HCN1: variants seen among roughly 807,000 people sequenced by gnomAD.
HCN1 encodes the protein hyperpolarization activated cyclic nucleotide gated potassium channel 1.
Under a neutral mutation model 78.9 loss-of-function variants are expected in HCN1, and 13 were observed. That is an observed-to-expected ratio of 0.16 (90% confidence interval 0.11 to 0.26). HCN1 has a LOEUF of 0.26. Among genes scored for constraint, HCN1 ranks in the 10% least tolerant of loss-of-function variants. The pLI is 1.00. For missense variants in HCN1, 810 were observed against 1,154.3 expected (o/e 0.70, Z 4.32); for synonymous variants, 552 against 455.5 (o/e 1.21, Z -2.70).
At chr5:45,646,536 TA>T (rs914711614) in intron 1 of HCN1, among the ~76,000 whole-genome samples, 128 of 150,730 alleles carry the variant, frequency 8.5e-4, no homozygotes, top group African/African-American at 2.7e-3. Context: ...CATGCCCAGC[TA>T]AAAAAAAATC....
At chr5:45,690,231 T>C (rs1228644765) in intron 1 of HCN1, among the ~76,000 whole-genome samples, 2 of 152,120 alleles carry the variant, frequency 1.3e-5, no homozygotes, top group Non-Finnish European at 2.9e-5. Flanking sequence ...ATTAGGTTTA[T>C]ATAAATAAAA....
chr5:45,302,354 T>C (rs940601460), intron 6 of HCN1, among the ~76,000 whole-genome samples: 1 of 152,098 alleles, frequency 6.6e-6, no homozygotes, highest in Non-Finnish European at 1.5e-5. Context: ...GCTGTGATTG[T>C]AAGTTTCCTG....
chr5:45,314,521 T>A (rs1466377009), intron 5 of HCN1, among the ~76,000 whole-genome samples: 1 of 152,108 alleles, frequency 6.6e-6, no homozygotes. Flanking sequence ...AATATTAACC[T>A]TAAATGTAAA....
intron 5 of HCN1, among the ~76,000 whole-genome samples, chr5:45,331,036 T>C (rs2111951937): frequency 6.6e-6 from 1 of 151,360 alleles, no homozygotes; most frequent in East Asian, 1.9e-4. Context: ...GTTTAAGATA[T>C]ATGTCAAATA....
intron 2 of HCN1, among the ~76,000 whole-genome samples, chr5:45,515,127 C>T (rs936049923): frequency 4.0e-5 from 6 of 151,436 alleles, no homozygotes; most frequent in East Asian, 1.9e-4. Flanking sequence ...TTTAACATAT[C>T]GAGGACAGAA....
intron 2 of HCN1, among the ~76,000 whole-genome samples, chr5:45,604,838 G>C (rs1285864616): frequency 1.3e-5 from 2 of 151,926 alleles, no homozygotes; most frequent in Non-Finnish European, 2.9e-5. Context: ...GAGGAATATG[G>C]CTTTATAGTT....
At chr5:45,288,663 C>A (rs984570262) in intron 6 of HCN1, among the ~76,000 whole-genome samples, 7 of 151,844 alleles carry the variant, frequency 4.6e-5, no homozygotes, top group African/African-American at 1.7e-4. Flanking sequence ...AATTAATTTG[C>A]AATATTATAG....
intron 2 of HCN1, among the ~76,000 whole-genome samples, chr5:45,554,946 C>G (rs576735525): frequency 4.0e-5 from 6 of 151,808 alleles, no homozygotes; most frequent in African/African-American, 1.4e-4. Context: ...TAAGAGATTT[C>G]CTTTTAATGA....
intron 4 of HCN1, among the ~76,000 whole-genome samples, chr5:45,373,265 A>G (rs1421149569): frequency 1.7e-3 from 206 of 119,350 alleles, no homozygotes; most frequent in South Asian, 9.4e-3. Flanking sequence ...TATATTATAT[A>G]TTATATATAT....
intron 5 of HCN1, 74 bp from the exon 6 acceptor site, chr5:45,303,913 A>C: frequency 1.5e-6 from 2 of 1,292,234 alleles, no homozygotes; most frequent in Non-Finnish European, 2.2e-6. Context: ...GCTGAAATTT[A>C]AAATATATAC....
rs976893690 is a variant in HCN1, at chr5:45,630,127, C to T, written c.849+15058G>A. On this transcript the variant is annotated intron_variant, in intron 2 of 7. Transcript: ENST00000303230. ...GGAGATCATATGGTAGCACCATCATCGGCCCCCTAATGCTTCCACTCTTGT... is the reference window on the plus strand; with the variant it reads ...GGAGATCATATGGTAGCACCATCATTGGCCCCCTAATGCTTCCACTCTTGT... 2.5e-4 allele frequency among the ~76,000 whole-genome samples: 38 copies of T among 152,146 alleles called. 1 individual carries two copies. Among genetic ancestry groups the T allele is most frequent in the Admixed American group, 2.1e-3 (32 of 15,256 alleles).
intron 5 of HCN1, among the ~76,000 whole-genome samples, chr5:45,307,880 G>A (rs985856646): frequency 3.9e-5 from 6 of 152,040 alleles, no homozygotes; most frequent in East Asian, 3.9e-4. Flanking sequence ...TATTAAAAAC[G>A]GGGGAAATTG....
intron 1 of HCN1, among the ~76,000 whole-genome samples, chr5:45,659,387 C>T (rs1344048026): frequency 7.2e-4 from 79 of 109,174 alleles, no homozygotes; most frequent in Middle Eastern, 4.0e-3. Flanking sequence ...AACTCTAAAA[C>T]GCAGAGCGCC....
chr5:45,424,929 C>CT (rs2112071083), intron 3 of HCN1, among the ~76,000 whole-genome samples: 1 of 152,242 alleles, frequency 6.6e-6, no homozygotes, highest in East Asian at 1.9e-4. Context: ...CATATCATCA[C>CT]TAATTATAAT....
chr5:45,349,696 C>G (rs929243750), intron 5 of HCN1, among the ~76,000 whole-genome samples: 2 of 151,962 alleles, frequency 1.3e-5, no homozygotes, highest in Non-Finnish European at 2.9e-5. Flanking sequence ...GGGGATATCA[C>G]CACCGATCCC....
At chr5:45,418,473 G>A (rs548774713) in intron 3 of HCN1, among the ~76,000 whole-genome samples, 1 of 150,410 alleles carries the variant, frequency 6.6e-6, no homozygotes, top group African/African-American at 2.4e-5. Flanking sequence ...AATGCTGATA[G>A]CATTAATGGA....
chr5:45,649,841 T>G (rs1007050275), intron 1 of HCN1, among the ~76,000 whole-genome samples: 1 of 152,126 alleles, frequency 6.6e-6, no homozygotes, highest in African/African-American at 2.4e-5. Context: ...CCTTTTATAA[T>G]AAGCCAAAGA....
chr5:45,682,281 A>ATATATACATATG (rs1739718885), intron 1 of HCN1, among the ~76,000 whole-genome samples: 1 of 113,070 alleles, frequency 8.8e-6, no homozygotes, highest in African/African-American at 3.6e-5. Context: ...ACATATATAT[A>ATATATACATATG]TATATATACA....
At chr5:45,291,131 T>TAAC (rs1184669566) in intron 6 of HCN1, among the ~76,000 whole-genome samples, 1 of 152,016 alleles carries the variant, frequency 6.6e-6, no homozygotes, top group African/African-American at 2.4e-5. Flanking sequence ...ACCAATAGCT[T>TAAC]AACTAATTCC....
Sources: allele counts gnomAD v4.1 joint callset (sites outside exome capture counted in the v4.1 genomes callset), GRCh38; gene constraint gnomAD v4.1.1; transcripts MANE v1.5; gene names NCBI Gene and HGNC (gene_info 2026-07-23, HGNC 2026-07-21).